FGF14: variants seen among roughly 807,000 people sequenced by gnomAD.
The protein encoded by FGF14 is fibroblast growth factor homologous factor 4.
FGF14 carries 5 observed loss-of-function variants against 25.5 expected under a neutral mutation model. The observed-to-expected ratio is 0.20, with a 90% CI of 0.10 to 0.41. FGF14 has a LOEUF of 0.41. FGF14 is among the 10% of genes least tolerant of loss of function. FGF14 has a pLI of 1.00. For synonymous variants in FGF14, 138 were observed against 118.3 expected (o/e 1.17, Z -1.08); for missense variants, 222 against 320.1 (o/e 0.69, Z 2.34).
intron 1 of FGF14, among the ~76,000 whole-genome samples, chr13:102,137,710 C>T (rs1288255370): frequency 6.6e-6 from 1 of 152,064 alleles, no homozygotes; most frequent in Admixed American, 6.5e-5. Flanking sequence ...ACATCAGTAC[C>T]CTTCAAGTCT....
At chr13:101,997,622 A>T (rs1388119860) in intron 1 of FGF14, among the ~76,000 whole-genome samples, 1 of 152,168 alleles carries the variant, frequency 6.6e-6, no homozygotes, top group Non-Finnish European at 1.5e-5. Context: ...TTTACTTCTA[A>T]CAAGCTTCCA....
intron 3 of FGF14, among the ~76,000 whole-genome samples, chr13:101,789,550 A>G (rs1173360398): frequency 1.3e-5 from 2 of 152,158 alleles, no homozygotes; most frequent in Non-Finnish European, 2.9e-5. Flanking sequence ...AAGTTGATTC[A>G]TGTAAGTTTC....
Position 101,873,029 on chromosome 13 carries a change from G to GAA in FGF14, c.304+2155_304+2156dup, listed in dbSNP as rs200608971. Among the ~76,000 whole-genome samples, 21 of 141,516 alleles carry GAA rather than the reference G, an allele frequency of 1.5e-4. No individual in the cohort carries two copies. In the South Asian group the frequency reaches 2.2e-3, roughly 15 times the overall value. 92.8% of individuals were successfully genotyped at this position (141,516 alleles called of 152,430 possible). On this transcript the variant is annotated intron_variant, in intron 2 of 4. Transcript: ENST00000376143. ...TGCTCCTTCTACTGCAGATACAGAA[G>GAA]AAAAAAAAAAAACATATATTTACAG...
chr13:102,134,922 G>A (rs2046343188), intron 1 of FGF14, among the ~76,000 whole-genome samples: 1 of 151,974 alleles, frequency 6.6e-6, no homozygotes, highest in Non-Finnish European at 1.5e-5. Flanking sequence ...AGTGGCTCAT[G>A]CCTATAATCC....
upstream of FGF14, among the ~76,000 whole-genome samples, chr13:101,920,927 A>T (rs1489650125): frequency 6.6e-6 from 1 of 152,170 alleles, no homozygotes; most frequent in Non-Finnish European, 1.5e-5. Flanking sequence ...CTATACAAGC[A>T]TCAGTTTGGA....
At chr13:101,844,023 T>C (rs150251694) in intron 3 of FGF14, among the ~76,000 whole-genome samples, 1 of 152,102 alleles carries the variant, frequency 6.6e-6, no homozygotes, top group Admixed American at 6.6e-5. Context: ...AGATAGAAAG[T>C]GATTATTTAA....
chr13:102,312,150 C>G (rs941896117), intron 1 of FGF14, among the ~76,000 whole-genome samples: 1 of 149,782 alleles, frequency 6.7e-6, no homozygotes, highest in African/African-American at 2.5e-5. Context: ...TTTATGAAAC[C>G]ATTATTGTCC....
intron 1 of FGF14, among the ~76,000 whole-genome samples, chr13:102,122,328 C>G (rs973166004): frequency 2.0e-5 from 3 of 152,146 alleles, no homozygotes; most frequent in African/African-American, 7.2e-5. Flanking sequence ...ACTGGATTAT[C>G]TCGAAATCCT....
chr13:101,908,849 G>C (rs2032567883), intron 1 of FGF14, among the ~76,000 whole-genome samples: 1 of 152,122 alleles, frequency 6.6e-6, no homozygotes, highest in African/African-American at 2.4e-5. Flanking sequence ...TATACTACAA[G>C]GCTACAGTAA....
At chr13:102,204,656 C>T (rs189435821) in intron 1 of FGF14, among the ~76,000 whole-genome samples, 29 of 152,214 alleles carry the variant, frequency 1.9e-4, no homozygotes, top group African/African-American at 7.0e-4. Context: ...AAGCAATTCT[C>T]CTGCCTCAGC....
intron 1 of FGF14, among the ~76,000 whole-genome samples, chr13:102,318,615 G>A (rs765610141): frequency 1.3e-5 from 2 of 152,094 alleles, no homozygotes; most frequent in African/African-American, 2.4e-5. Context: ...GGCATTCTCC[G>A]AGTCCCTATC....
chr13:101,763,246 T>C (rs1449138517), intron 3 of FGF14, among the ~76,000 whole-genome samples: 1 of 152,114 alleles, frequency 6.6e-6, no homozygotes, highest in Non-Finnish European at 1.5e-5. Context: ...CACAACATTC[T>C]CCAGTCAGTC....
chr13:102,159,880 T>C (rs1332702937), intron 1 of FGF14, among the ~76,000 whole-genome samples: 3 of 152,318 alleles, frequency 2.0e-5, no homozygotes, highest in Admixed American at 6.5e-5. Context: ...TATTTAAGTA[T>C]CTCATCTCAG....
At chr13:101,730,598 GCA>G (rs1214728853) in intron 3 of FGF14, among the ~76,000 whole-genome samples, 1 of 152,188 alleles carries the variant, frequency 6.6e-6, no homozygotes, top group Non-Finnish European at 1.5e-5. Flanking sequence ...GAGAGTAATT[GCA>G]CAGTCATACT....
At chr13:101,947,927 T>G (rs1594798869) in intron 1 of FGF14, among the ~76,000 whole-genome samples, 1 of 152,222 alleles carries the variant, frequency 6.6e-6, no homozygotes, top group Non-Finnish European at 1.5e-5. Flanking sequence ...GAAACAAGAC[T>G]TTTAAAAACA....
intron 1 of FGF14, among the ~76,000 whole-genome samples, chr13:102,195,255 T>C (rs1279862429): frequency 6.6e-6 from 1 of 152,166 alleles, no homozygotes; most frequent in Non-Finnish European, 1.5e-5. Flanking sequence ...ATTTTTTCCC[T>C]GTTTATTTAA....
chr13:101,966,639 C>T (rs377684897), intron 1 of FGF14, among the ~76,000 whole-genome samples: 25 of 152,158 alleles, frequency 1.6e-4, no homozygotes, highest in Middle Eastern at 6.8e-3. Context: ...CCCACCACCA[C>T]GCCCAGCTAA....
chr13:101,842,369 G>A (rs1182415502), intron 3 of FGF14, among the ~76,000 whole-genome samples: 1 of 151,916 alleles, frequency 6.6e-6, no homozygotes, highest in Non-Finnish European at 1.5e-5. Flanking sequence ...TCACTTGTCG[G>A]TGTTATTACC....
chr13:101,977,940 TAAAAA>T (rs10708269), intron 1 of FGF14, among the ~76,000 whole-genome samples: 1 of 137,856 alleles, frequency 7.3e-6, no homozygotes, highest in African/African-American at 2.7e-5. Context: ...TTTCTCAATG[TAAAAA>T]AAAAAAAAAA....
Sources: gnomAD v4.1 joint callset for allele counts (sites outside exome capture counted in the v4.1 genomes callset) on GRCh38, gnomAD v4.1.1 for gene constraint, MANE v1.5 for transcripts, NCBI Gene and HGNC (gene_info 2026-07-23, HGNC 2026-07-21) for gene names.